KCNB2: variants seen among roughly 807,000 people sequenced by gnomAD.
KCNB2 encodes the protein delayed rectifier potassium channel protein.
A neutral mutation model predicts 61.5 loss-of-function variants in KCNB2; 15 were observed. The ratio of observed to expected loss-of-function variants is 0.24; its 90% CI spans 0.16 to 0.38. KCNB2 has a LOEUF of 0.38. KCNB2 is among the 10% of genes least tolerant of loss of function. The probability of loss-of-function intolerance (pLI) is 1.00; values close to 1 mark genes in which losing one functional copy is unlikely to be tolerated. For synonymous variants in KCNB2, 457 were observed against 446.0 expected (o/e 1.02, Z -0.31); for missense variants, 828 against 1,125.2 (o/e 0.74, Z 3.78).
chr8:72,759,377 G>T (rs1374551127), intron 2 of KCNB2, among the ~76,000 whole-genome samples: 1 of 152,148 alleles, frequency 6.6e-6, no homozygotes, highest in East Asian at 1.9e-4. Flanking sequence ...AAACCCCTGG[G>T]TAATCTGGGA....
intron 2 of KCNB2, among the ~76,000 whole-genome samples, chr8:72,902,796 G>A (rs1289982143): frequency 6.6e-6 from 1 of 152,058 alleles, no homozygotes; most frequent in Admixed American, 6.6e-5. Flanking sequence ...CTGTGATTTT[G>A]TCTGACAGTT....
At chr8:72,845,600 A>G (rs1363790155) in intron 2 of KCNB2, among the ~76,000 whole-genome samples, 1 of 152,182 alleles carries the variant, frequency 6.6e-6, no homozygotes, top group Non-Finnish European at 1.5e-5. Flanking sequence ...TAAGTCCCCG[A>G]CTGGGGCTGC....
At chr8:72,702,153 C>T (rs1389153328) in intron 2 of KCNB2, among the ~76,000 whole-genome samples, 2 of 152,210 alleles carry the variant, frequency 1.3e-5, no homozygotes, top group African/African-American at 4.8e-5. Context: ...TATGTCACAA[C>T]ATGATCTTCT....
rs879656017 is a variant in KCNB2 at position 72,841,649 on chromosome 8, A to G, written c.580-94286A>G. Among the ~76,000 whole-genome samples the G allele has an allele frequency of 1.7e-4, 26 of 152,044 alleles. 1 individual carries two copies. Among genetic ancestry groups the G allele is most frequent in the Non-Finnish European group, 4.4e-5 (3 of 68,002 alleles). On this transcript the variant is annotated intron_variant, in intron 2 of 2. Transcript: ENST00000523207. ...AGTTCTCCTTGAAGAGGTCCTTCAC[A>G]TCCCTCGTAAGTTGTATTCCTAGGT... is the stretch of plus-strand genomic sequence containing the variant.
chr8:72,841,572 A>G (rs4562366), intron 2 of KCNB2, among the ~76,000 whole-genome samples: 72,822 of 151,462 alleles, frequency 0.48, 18,403 homozygotes, highest in Middle Eastern at 0.58. Flanking sequence ...TGAGCATGGA[A>G]TGTTTTTCCA....
At chr8:72,902,154 A>T (rs957681401) in intron 2 of KCNB2, among the ~76,000 whole-genome samples, 3 of 152,140 alleles carry the variant, frequency 2.0e-5, no homozygotes, top group Non-Finnish European at 4.4e-5. Flanking sequence ...GGTTAGATTA[A>T]TCTATGGCAA....
intron 2 of KCNB2, among the ~76,000 whole-genome samples, chr8:72,853,786 CT>C (rs902380634): frequency 6.6e-6 from 1 of 152,150 alleles, no homozygotes; most frequent in African/African-American, 2.4e-5. Flanking sequence ...TATAAATGCC[CT>C]TTTTGGATGC....
intron 2 of KCNB2, among the ~76,000 whole-genome samples, chr8:72,762,544 G>A (rs991581954): frequency 1.3e-5 from 2 of 151,978 alleles, no homozygotes; most frequent in African/African-American, 2.4e-5. Flanking sequence ...TGTGTCCTGG[G>A]TACACAATGT....
At chr8:72,771,505 G>A (rs568752541) in intron 2 of KCNB2, among the ~76,000 whole-genome samples, 21 of 152,154 alleles carry the variant, frequency 1.4e-4, no homozygotes, top group African/African-American at 4.8e-4. Context: ...TATTAATTAC[G>A]GTGAGGTCAG....
chr8:72,890,371 A>G (rs1459758753), intron 2 of KCNB2, among the ~76,000 whole-genome samples: 2 of 152,192 alleles, frequency 1.3e-5, no homozygotes, highest in Non-Finnish European at 2.9e-5. Context: ...TGCAGACACA[A>G]TACAAGTAAG....
intron 2 of KCNB2, among the ~76,000 whole-genome samples, chr8:72,676,094 C>A (rs1479683281): frequency 6.6e-6 from 1 of 152,126 alleles, no homozygotes; most frequent in Non-Finnish European, 1.5e-5. Flanking sequence ...TATTATATAT[C>A]TCCTCTACCT....
At chr8:72,895,676 G>A (rs1323665745) in intron 2 of KCNB2, among the ~76,000 whole-genome samples, 1 of 151,770 alleles carries the variant, frequency 6.6e-6, no homozygotes, top group Non-Finnish European at 1.5e-5. Context: ...GAGGATGAGA[G>A]ACGAACATAA....
chr8:72,717,267 A>C (rs957627691), intron 2 of KCNB2, among the ~76,000 whole-genome samples: 51 of 152,264 alleles, frequency 3.3e-4, no homozygotes, highest in African/African-American at 4.6e-4. Flanking sequence ...AATGCCATCC[A>C]CATCAAGCTA....
chr8:72,817,618 T>C (rs960708824), intron 2 of KCNB2, among the ~76,000 whole-genome samples: 1 of 152,168 alleles, frequency 6.6e-6, no homozygotes, highest in African/African-American at 2.4e-5. Flanking sequence ...AACTCTGCAG[T>C]AGTCAGTTTC....
chr8:72,804,956 G>A (rs893630418), intron 2 of KCNB2, among the ~76,000 whole-genome samples: 2 of 152,182 alleles, frequency 1.3e-5, no homozygotes, highest in Admixed American at 6.5e-5. Flanking sequence ...ATGTTGCAAT[G>A]AGAATATCAA....
At chr8:72,587,911 T>C (rs1019118175) in intron 2 of KCNB2, among the ~76,000 whole-genome samples, 2 of 152,212 alleles carry the variant, frequency 1.3e-5, no homozygotes, top group African/African-American at 4.8e-5. Context: ...CAGCCAGAGT[T>C]AACTTTATAA....
At chr8:72,628,187 C>T (rs1485032249) in intron 2 of KCNB2, among the ~76,000 whole-genome samples, 5 of 152,168 alleles carry the variant, frequency 3.3e-5, no homozygotes, top group African/African-American at 4.8e-5. Flanking sequence ...CTCCTGGCCT[C>T]ATGTCATCTG....
chr8:72,836,917 C>T (rs1809792619), intron 2 of KCNB2, among the ~76,000 whole-genome samples: 1 of 152,052 alleles, frequency 6.6e-6, no homozygotes, highest in Non-Finnish European at 1.5e-5. Flanking sequence ...CTCAAAATAA[C>T]AAACAAACAA....
intron 2 of KCNB2, among the ~76,000 whole-genome samples, chr8:72,921,916 A>G (rs1018687053): frequency 1.3e-5 from 2 of 152,198 alleles, no homozygotes; most frequent in East Asian, 3.9e-4. Context: ...TTTGAAAGGA[A>G]TGTATGAAAT....
Sources: gnomAD v4.1 joint callset for allele counts (sites outside exome capture counted in the v4.1 genomes callset) on GRCh38, gnomAD v4.1.1 for gene constraint, MANE v1.5 for transcripts, NCBI Gene and HGNC (gene_info 2026-07-23, HGNC 2026-07-21) for gene names.